The following USH2A variants were observed in gnomAD, a reference collection of about 807,000 sequenced individuals.
USH2A encodes Usher syndrome 2A (autosomal recessive, mild).
USH2A carries 443 observed loss-of-function variants against 538.9 expected under a neutral mutation model. The ratio of observed to expected loss-of-function variants is 0.82; its 90% CI spans 0.76 to 0.89. USH2A has a LOEUF of 0.89. USH2A is among the 40% of genes least tolerant of loss of function. The pLI is 0.00. For missense variants in USH2A, 6,633 were observed against 6,324.8 expected (o/e 1.05, Z -1.65); for synonymous variants, 2,413 against 2,273.5 (o/e 1.06, Z -1.75).
intron 47 of USH2A, among the ~76,000 whole-genome samples, chr1:215,820,238 T>G (rs1191069710): frequency 6.6e-6 from 1 of 151,450 alleles, no homozygotes; most frequent in Non-Finnish European, 1.5e-5. Flanking sequence ...TCACCATGTC[T>G]ACACACATTT....
chr1:215,899,975 T>G, intron 40 of USH2A, 100 bp downstream of exon 40: 1 of 1,551,476 alleles, frequency 6.4e-7, no homozygotes, highest in South Asian at 1.1e-5. Context: ...AAACAACAAG[T>G]AAATAAGGGA....
intron 19 of USH2A, 128 bp downstream of exon 19, chr1:216,196,425 T>C (rs867601701): frequency 1.0e-4 from 97 of 966,166 alleles, no homozygotes; most frequent in South Asian, 9.8e-4. Flanking sequence ...TAATATTATA[T>C]TAAGAAAAAA....
intron 3 of USH2A, among the ~76,000 whole-genome samples, chr1:216,400,451 CA>C (rs2039287055): frequency 6.8e-6 from 1 of 147,912 alleles, no homozygotes; most frequent in African/African-American, 2.5e-5. Flanking sequence ...GAGTTAAAAA[CA>C]AAAGAGTTAA....
At chr1:215,686,894 G>T (rs1558054210) in intron 61 of USH2A, among the ~76,000 whole-genome samples, 1 of 152,070 alleles carries the variant, frequency 6.6e-6, no homozygotes. Context: ...TAGACACAAG[G>T]ATTTTTCTTT....
intron 62 of USH2A, among the ~76,000 whole-genome samples, chr1:215,677,670 A>T (rs1658079404): frequency 6.6e-6 from 1 of 152,130 alleles, no homozygotes; most frequent in Admixed American, 6.5e-5. Context: ...CCACTCATGC[A>T]CTTTTCCTTC....
intron 47 of USH2A, among the ~76,000 whole-genome samples, chr1:215,829,223 T>G (rs940025398): frequency 1.3e-5 from 2 of 152,218 alleles, no homozygotes; most frequent in African/African-American, 4.8e-5. Flanking sequence ...AAGGGTCCAT[T>G]TGATTCTTCT....
At chr1:215,889,176 T>C (rs1449813590) in intron 40 of USH2A, 122 bp from the exon 41 acceptor site, 1 of 1,173,128 alleles carries the variant, frequency 8.5e-7, no homozygotes, top group Non-Finnish European at 1.2e-6. Context: ...TAAAGGCCAA[T>C]AAGTAAATAA....
intron 61 of USH2A, among the ~76,000 whole-genome samples, chr1:215,712,637 T>G (rs968102761): frequency 2.0e-5 from 3 of 152,204 alleles, no homozygotes; most frequent in African/African-American, 7.2e-5. Context: ...TTGTCTTTTC[T>G]TTCCCCACTG....
At chr1:216,340,959 A>C (rs942770589) in intron 4 of USH2A, among the ~76,000 whole-genome samples, 5 of 152,152 alleles carry the variant, frequency 3.3e-5, no homozygotes, top group African/African-American at 7.2e-5. Flanking sequence ...TTCTTTCATC[A>C]TTCCTATTCA....
intron 13 of USH2A, among the ~76,000 whole-genome samples, chr1:216,238,874 C>G (rs1429800706): frequency 6.6e-6 from 1 of 152,134 alleles, no homozygotes; most frequent in African/African-American, 2.4e-5. Flanking sequence ...ATCCTTCTCC[C>G]TCCATGCCCC....
At position 215,813,884 on chromosome 1, in the gene USH2A, G is replaced by A; in HGVS notation, c.9591C>T (p.Leu3197=). The change falls in exon 49 of 72, where the codon CTC becomes CTT. Residue 3197 remains leucine, a synonymous_variant. Coordinates refer to ENST00000307340, the MANE Select transcript of USH2A (RefSeq NM_206933.4). ...SEAKVCCNGV[L]YNPKPGHRCC... ...AGCGATGTCCAGGCTTGGGGTTATAGAGCACTCCGTTACAACAAACCTGAA... is the reference window on the plus strand; with the variant it reads ...AGCGATGTCCAGGCTTGGGGTTATAAAGCACTCCGTTACAACAAACCTGAA... 3 of 1,613,732 alleles carry A rather than the reference G, an allele frequency of 1.9e-6. No homozygotes were observed. Among genetic ancestry groups the A allele is most frequent in the Non-Finnish European group, 2.5e-6 (3 of 1,179,774 alleles).
intron 30 of USH2A, among the ~76,000 whole-genome samples, chr1:216,053,102 A>T (rs2030852599): frequency 6.6e-6 from 1 of 152,236 alleles, no homozygotes. Flanking sequence ...TATTGGAACT[A>T]GAAGAATTCT....
chr1:215,785,715 T>C (rs757509615), intron 52 of USH2A, among the ~76,000 whole-genome samples: 17 of 152,168 alleles, frequency 1.1e-4, no homozygotes, highest in Non-Finnish European at 2.1e-4. Flanking sequence ...ATCAACCTTA[T>C]CTCTGTTCCT....
At position 216,071,374 on chromosome 1, in the gene USH2A, C is replaced by T. The variant is rs191759321; in HGVS notation, c.5858-1082G>A. 1.6e-3 allele frequency among the ~76,000 whole-genome samples: 238 copies of T among 152,214 alleles called. 1 individual carries two copies. Among genetic ancestry groups the T allele is most frequent in the African/African-American group, 3.7e-3 (155 of 41,546 alleles). ...ATAGAAAACACACAGGCCACAAGATCGAGTTGCAAGGAAAGGGACAATGGG... is the reference window on the plus strand; with the variant it reads ...ATAGAAAACACACAGGCCACAAGATTGAGTTGCAAGGAAAGGGACAATGGG... On this transcript the variant is annotated intron_variant, in intron 29 of 71. Transcript: ENST00000307340.
At chr1:216,074,291 A>G (rs2031671841) in intron 27 of USH2A, among the ~76,000 whole-genome samples, 1 of 149,884 alleles carries the variant, frequency 6.7e-6, no homozygotes, top group African/African-American at 2.4e-5. Flanking sequence ...TGGGACAAAC[A>G]GGACCGAGTT....
intron 43 of USH2A, among the ~76,000 whole-genome samples, chr1:215,875,909 A>G (rs1321556749): frequency 1.4e-5 from 2 of 144,224 alleles, no homozygotes; most frequent in Admixed American, 1.4e-4. Context: ...TCAATATATA[A>G]ATATATAATA....
At chr1:216,389,263 T>C (rs907248006) in intron 3 of USH2A, among the ~76,000 whole-genome samples, 5 of 152,196 alleles carry the variant, frequency 3.3e-5, no homozygotes, top group Non-Finnish European at 7.4e-5. Flanking sequence ...GTCTAAGCAG[T>C]AAATAAATAA....
intron 38 of USH2A, among the ~76,000 whole-genome samples, chr1:215,912,202 A>C (rs1348873125): frequency 6.6e-6 from 1 of 151,776 alleles, no homozygotes; most frequent in Non-Finnish European, 1.5e-5. Flanking sequence ...TTTTTAACCT[A>C]TGTGATCCCA....
chr1:215,950,673 T>C (rs1307170662), intron 37 of USH2A, among the ~76,000 whole-genome samples: 1 of 151,748 alleles, frequency 6.6e-6, no homozygotes, highest in Non-Finnish European at 1.5e-5. Context: ...GTCCGGCTAA[T>C]ATTTTTTTTT....
Sources: allele counts gnomAD v4.1 joint callset (sites outside exome capture counted in the v4.1 genomes callset), GRCh38; gene constraint gnomAD v4.1.1; transcripts MANE v1.5; gene names NCBI Gene and HGNC (gene_info 2026-07-23, HGNC 2026-07-21).